C1orf74: variants seen among roughly 807,000 people sequenced by gnomAD.
The protein encoded by C1orf74 is UPF0739 protein C1orf74.
C1orf74 carries 5 observed loss-of-function variants against 7.3 expected under a neutral mutation model. The observed-to-expected ratio is 0.68, with a 90% CI of 0.36 to 1.44. The LOEUF (loss-of-function observed/expected upper bound fraction) is 1.44, where lower values mean the gene tolerates loss of function less well. Ranked by LOEUF, C1orf74 falls within the 40% of genes most tolerant of loss-of-function variation. The pLI is 0.04. For missense variants in C1orf74, 291 were observed against 314.3 expected (o/e 0.93, Z 0.56); for synonymous variants, 121 against 132.5 (o/e 0.91, Z 0.59).
chr1:209,782,248 CTT>C lies in C1orf74; in HGVS notation c.*575_*576del. On this transcript the variant is annotated 3_prime_UTR_variant, in exon 2 of 2. Transcript: ENST00000294811. The stretch of plus-strand genomic sequence containing the variant: ...ATTACAGCTTGGGTTTTCCAACTGA[CTT>C]AGGATTTCTGACTTTTTATTAATTT... The C allele has an allele frequency of 2.3e-6, 2 of 875,748 alleles. No homozygotes were observed. The highest frequency in any genetic ancestry group is 3.8e-6 in the Non-Finnish European group (2 of 526,968). The allele number at this position is 875,748 out of a possible 1,614,324, so 54.2% of individuals were successfully genotyped here.
In C1orf74 at chr1:209,782,378, C is replaced by A. The variant is rs1161654517; in HGVS notation, c.*447G>T. 5.7e-6 allele frequency: 3 copies of A among 530,438 alleles called. No homozygotes were observed. In the Admixed American group the frequency reaches 9.7e-5, roughly 17 times the overall value. 32.9% of individuals were successfully genotyped at this position (530,438 alleles called of 1,614,324 possible). On this transcript the variant is annotated 3_prime_UTR_variant, in exon 2 of 2. Coordinates refer to ENST00000294811, the MANE Select transcript of C1orf74 (RefSeq NM_152485.4). ...CATTAACAAGTATCACATATTTAAG[C>A]ATACTGGTGGTCTACTCTCCTCAAA...
rs779920499 is a variant in C1orf74, at chr1:209,783,544, G to T, written c.91C>A (p.Pro31Thr). The change falls in exon 2 of 2, where the codon CCA becomes ACA. Residue 31 changes from proline to threonine, a missense_variant. By Grantham distance (38) the Pro-to-Thr change is conservative. Coordinates refer to ENST00000294811, the MANE Select transcript of C1orf74 (RefSeq NM_152485.4). ...AAGTGAAGGCAGATGGCTTGGGGTGGACTCCGTCTCTTTCCCATGCCAAGG... is the reference window on the plus strand; with the variant it reads ...AAGTGAAGGCAGATGGCTTGGGGTGTACTCCGTCTCTTTCCCATGCCAAGG... ...QTLGMGKRRS[P>T]PQAICLHLAG... is the part of the protein sequence containing the mutation. The T allele has an allele frequency of 2.5e-6, 4 of 1,614,016 alleles. No homozygotes were observed. The highest frequency in any genetic ancestry group is 8.5e-7 in the Non-Finnish European group (1 of 1,180,036).
Position 209,782,841 on chromosome 1 carries a change from G to A in C1orf74, c.794C>T (p.Pro265Leu), listed in dbSNP as rs150951869. The part of the protein sequence containing the change: ...LSISSEIVTL[P>L]AVAL ...GAGTTAAAGTCAGAGGGCCACAGCC[G>A]GCAGTGTGACTATCTCAGAGGAGAT... Residue 265 changes from proline (P) to leucine (L), a missense_variant, in exon 2 of 2, where the codon CCG becomes CTG. Transcript: ENST00000294811. The A allele has an allele frequency of 7.4e-6, 12 of 1,613,508 alleles. 1 individual carries two copies. The highest frequency in any genetic ancestry group is 2.2e-5 in the South Asian group (2 of 90,992).
Position 209,783,388 on chromosome 1 carries a change from G to C in C1orf74, c.247C>G (p.Leu83Val), listed in dbSNP as rs1283568482. The C allele has an allele frequency of 9.3e-6, 15 of 1,614,036 alleles. No individual in the cohort carries two copies. Among genetic ancestry groups the C allele is most frequent in the Non-Finnish European group, 1.3e-5 (15 of 1,180,022 alleles). The change falls in exon 2 of 2, where the codon CTT becomes GTT. Residue 83 changes from leucine to valine, a missense_variant. Coordinates refer to ENST00000294811, the MANE Select transcript of C1orf74 (RefSeq NM_152485.4). ...LKGLGFLTFG[L>V]HILEIGENSL... ...TTTTCTCCAATCTCAAGGATGTGAA[G>C]TCCAAAAGTCAGGAAGCCAAGCCCC...
Position 209,782,207 on chromosome 1 carries a change from CA to C in C1orf74, c.*617del, listed in dbSNP as rs1370327378. ...GAAGCAAGCAACTCAGCGAAAAACT[CA>C]GAAGGTTTGGGTACATTACAGCTTG... On this transcript the variant is annotated 3_prime_UTR_variant, in exon 2 of 2. Coordinates refer to ENST00000294811, the MANE Select transcript of C1orf74 (RefSeq NM_152485.4). The C allele has an allele frequency of 4.9e-6, 7 of 1,422,040 alleles. No individual in the cohort carries two copies. The Admixed American group carries it at 1.2e-4, about 24-fold the overall frequency. 88.1% of individuals were successfully genotyped at this position (1,422,040 alleles called of 1,614,324 possible). A position where few individuals can be genotyped will look rare whatever the true frequency, so the allele number is the denominator to read the frequency against.
rs1467289754 is a variant in C1orf74, at chr1:209,782,633, T to C, written c.*192A>G. ...TAGTATAGAAATGGCAAGTATGTAC[T>C]ATCTACCAATTTGCTACTAGCACCA... On this transcript the variant is annotated 3_prime_UTR_variant, in exon 2 of 2. Coordinates refer to ENST00000294811, the MANE Select transcript of C1orf74 (RefSeq NM_152485.4). 1.6e-5 allele frequency: 10 copies of C among 623,560 alleles called. No homozygotes were observed. Among genetic ancestry groups the C allele is most frequent in the Non-Finnish European group, 1.1e-5 (4 of 355,612 alleles). 38.6% of individuals were successfully genotyped at this position (623,560 alleles called of 1,614,324 possible).
chr1:209,780,527 G>A lies in C1orf74; in HGVS notation c.*2298C>T, dbSNP rs1180866483. ...TTCCCTAACGAAGTGGAGCCTGAGG[G>A]TACAGGGAAGGAGAAAGACTGGGAT... is the stretch of plus-strand genomic sequence containing the variant. On this transcript the variant is annotated 3_prime_UTR_variant, in exon 2 of 2. Coordinates refer to ENST00000294811, the MANE Select transcript of C1orf74 (RefSeq NM_152485.4). 1.9e-6 allele frequency: 3 copies of A among 1,604,432 alleles called. No individual in the cohort carries two copies. Among genetic ancestry groups the A allele is most frequent in the Non-Finnish European group, 2.6e-6 (3 of 1,175,354 alleles).
Position 209,781,341 on chromosome 1 carries a change from C to A in C1orf74, c.*1484G>T. The A allele has an allele frequency of 4.4e-6, 7 of 1,590,708 alleles. No individual in the cohort carries two copies. Among genetic ancestry groups the A allele is most frequent in the South Asian group, 1.1e-5 (1 of 90,432 alleles). ...AGTGATGACTTTGGTGATGTTCTCC[C>A]CAGTGCAGAGAACTGCATTCAGAAT... On this transcript the variant is annotated 3_prime_UTR_variant, in exon 2 of 2. Coordinates refer to ENST00000294811, the MANE Select transcript of C1orf74 (RefSeq NM_152485.4).
rs955018340 is a variant in C1orf74, at chr1:209,780,718, G to T, written c.*2107C>A. ...TTTAAGTTGTGAGTGGATAACCACAGACATTCATTTGCCTACATAAAGTGT... is the reference window on the plus strand; with the variant it reads ...TTTAAGTTGTGAGTGGATAACCACATACATTCATTTGCCTACATAAAGTGT... On this transcript the variant is annotated 3_prime_UTR_variant, in exon 2 of 2. Coordinates refer to ENST00000294811, the MANE Select transcript of C1orf74 (RefSeq NM_152485.4). 5.9e-6 allele frequency: 6 copies of T among 1,024,430 alleles called. No homozygotes were observed. Among genetic ancestry groups the T allele is most frequent in the Admixed American group, 3.7e-5 (1 of 27,182 alleles). The allele number at this position is 1,024,430 out of a possible 1,614,324, so 63.5% of individuals were successfully genotyped here. A position where few individuals can be genotyped will look rare whatever the true frequency, so the allele number is the denominator to read the frequency against.
chr1:209,779,792 T>A lies in C1orf74; in HGVS notation c.*3033A>T. 1 of 449,164 alleles carries A rather than the reference T, an allele frequency of 2.2e-6. No homozygotes were observed. 27.8% of individuals were successfully genotyped at this position (449,164 alleles called of 1,614,324 possible). On this transcript the variant is annotated 3_prime_UTR_variant, in exon 2 of 2. Transcript: ENST00000294811. ...GTCCATGTTTCCTGAGAATTCACTG[T>A]GTATACAGAGGGGCAATAGCTCCTC...
chr1:209,781,321 T>A lies in C1orf74; in HGVS notation c.*1504A>T. 1 of 1,528,440 alleles carries A rather than the reference T, an allele frequency of 6.5e-7. No individual in the cohort carries two copies. The highest frequency in any genetic ancestry group is 9.1e-7 in the Non-Finnish European group (1 of 1,103,890). 94.7% of individuals were successfully genotyped at this position (1,528,440 alleles called of 1,614,324 possible). On this transcript the variant is annotated 3_prime_UTR_variant, in exon 2 of 2. Transcript: ENST00000294811. ...CTGTCCTAGACAGAAGTGACAGTGA[T>A]GACTTTGGTGATGTTCTCCCCAGTG... is the stretch of plus-strand genomic sequence containing the variant.
Position 209,779,297 on chromosome 1 carries a change from C to T in C1orf74, c.*3528G>A, listed in dbSNP as rs1235626806. On this transcript the variant is annotated 3_prime_UTR_variant, in exon 2 of 2. Coordinates refer to ENST00000294811, the MANE Select transcript of C1orf74 (RefSeq NM_152485.4). Reference sequence around the variant, plus strand: ...GTAAATATGCTAGCATAGACAAGTTCCTTGTGTTTTCCAACAGGTTTGCTT... The same window carrying T: ...GTAAATATGCTAGCATAGACAAGTTTCTTGTGTTTTCCAACAGGTTTGCTT... 1.9e-6 allele frequency: 3 copies of T among 1,612,064 alleles called. No homozygotes were observed. The highest frequency in any genetic ancestry group is 2.7e-5 in the African/African-American group (2 of 74,834).
Position 209,782,749 on chromosome 1 carries a change from T to A in C1orf74, c.*76A>T. The A allele has an allele frequency of 2.1e-6, 3 of 1,426,946 alleles. No individual in the cohort carries two copies. The Admixed American group carries it at 5.6e-5, about 27-fold the overall frequency. 88.4% of individuals were successfully genotyped at this position (1,426,946 alleles called of 1,614,324 possible). On this transcript the variant is annotated 3_prime_UTR_variant, in exon 2 of 2. Coordinates refer to ENST00000294811, the MANE Select transcript of C1orf74 (RefSeq NM_152485.4). Reference sequence around the variant, plus strand: ...ATTCAAGACACTTGGAATTGGCAGTTGAGATGATTATTTGCCATCCCCAAC... The same window carrying A: ...ATTCAAGACACTTGGAATTGGCAGTAGAGATGATTATTTGCCATCCCCAAC...
rs76690388 is a variant in C1orf74, at chr1:209,779,730, C to G, written c.*3095G>C. On this transcript the variant is annotated 3_prime_UTR_variant, in exon 2 of 2. Coordinates refer to ENST00000294811, the MANE Select transcript of C1orf74 (RefSeq NM_152485.4). ...CCCCAGCCCCAAACCACATAGCAGT[C>G]CAGAGTCAACTCACTGTTAGCCCTA... The G allele has an allele frequency of 0.014, 7,782 of 571,014 alleles. 112 individuals carry two copies. Among genetic ancestry groups the G allele is most frequent in the South Asian group, 0.039 (1,842 of 47,592 alleles). 35.4% of individuals were successfully genotyped at this position (571,014 alleles called of 1,614,324 possible).
Position 209,782,831 on chromosome 1 carries a change from G to A in C1orf74, c.804C>T (p.Ala268=). The A allele has an allele frequency of 1.9e-6, 3 of 1,613,584 alleles. No homozygotes were observed. The South Asian group carries it at 3.3e-5, about 18-fold the overall frequency. The change falls in exon 2 of 2, where the codon GCC becomes GCT. Residue 268 remains alanine, a synonymous_variant. Coordinates refer to ENST00000294811, the MANE Select transcript of C1orf74 (RefSeq NM_152485.4). ...TATGGGAGGAGAGTTAAAGTCAGAG[G>A]GCCACAGCCGGCAGTGTGACTATCT... ...SSEIVTLPAV[A]L
rs1372829771 is a variant in C1orf74, at chr1:209,783,139, C to G, written c.496G>C (p.Asp166His). ...CCAAATACAGTACACAGATTCCAGT[C>G]TGAGGAATGGAGCCTGCTGTAGGAG... ...AVSYSRLHSSDWNLCTVFGIL... is the reference protein window; with the variant it reads ...AVSYSRLHSSHWNLCTVFGIL... The change falls in exon 2 of 2, where the codon GAC (aspartate) becomes CAC (histidine). Residue 166 changes from aspartate (D) to histidine (H), a missense_variant. By Grantham distance (81) the Asp-to-His change is moderately conservative. Coordinates refer to ENST00000294811, the MANE Select transcript of C1orf74 (RefSeq NM_152485.4). 6.2e-7 allele frequency: 1 copy of G among 1,614,148 alleles called. No individual in the cohort carries two copies. Among genetic ancestry groups the G allele is most frequent in the Non-Finnish European group, 8.5e-7 (1 of 1,180,028 alleles).
chr1:209,779,602 C>G lies in C1orf74; in HGVS notation c.*3223G>C. On this transcript the variant is annotated 3_prime_UTR_variant, in exon 2 of 2. Transcript: ENST00000294811. The stretch of plus-strand genomic sequence containing the variant: ...AACTGTGAAAAAGGGTTTCTATTCT[C>G]TCTGAAAGCACATGTCTGTGTTGAA... 1 of 653,808 alleles carries G rather than the reference C, an allele frequency of 1.5e-6. No individual in the cohort carries two copies. Among genetic ancestry groups the G allele is most frequent in the South Asian group, 1.7e-5 (1 of 58,292 alleles). 40.5% of individuals were successfully genotyped at this position (653,808 alleles called of 1,614,324 possible).
chr1:209,783,395 A>C lies in C1orf74; in HGVS notation c.240T>G (p.Thr80=), dbSNP rs2077810747. Residue 80 remains threonine, a synonymous_variant, in exon 2 of 2, where the codon ACT becomes ACG. Coordinates refer to ENST00000294811, the MANE Select transcript of C1orf74 (RefSeq NM_152485.4). ...CAATCTCAAGGATGTGAAGTCCAAA[A>C]GTCAGGAAGCCAAGCCCCTTCAGCT... The part of the protein sequence containing the change: ...LEELKGLGFL[T]FGLHILEIGE... 1.2e-6 allele frequency: 2 copies of C among 1,614,148 alleles called. No individual in the cohort carries two copies. Among genetic ancestry groups the C allele is most frequent in the Non-Finnish European group, 1.7e-6 (2 of 1,180,016 alleles).
chr1:209,782,309 G>T lies in C1orf74; in HGVS notation c.*516C>A. 1 of 612,748 alleles carries T rather than the reference G, an allele frequency of 1.6e-6. No homozygotes were observed. The highest frequency in any genetic ancestry group is 2.9e-6 in the Non-Finnish European group (1 of 341,344). The allele number at this position is 612,748 out of a possible 1,614,324, so 38.0% of individuals were successfully genotyped here. A position where few individuals can be genotyped will look rare whatever the true frequency, so the allele number is the denominator to read the frequency against. ...ACTGTAAATAAACTTCACCTGACCA[G>T]ATTGTTCCTCAGAACTCTCAGTTTA... On this transcript the variant is annotated 3_prime_UTR_variant, in exon 2 of 2. Coordinates refer to ENST00000294811, the MANE Select transcript of C1orf74 (RefSeq NM_152485.4).
Sources: allele counts gnomAD v4.1 joint callset, GRCh38; gene constraint gnomAD v4.1.1; transcripts MANE v1.5; gene names NCBI Gene and HGNC (gene_info 2026-07-23, HGNC 2026-07-21).